PATJ: variants seen among roughly 807,000 people sequenced by gnomAD.
The protein encoded by PATJ is PATJ crumbs cell polarity complex component.
Under a neutral mutation model 224.9 loss-of-function variants are expected in PATJ, and 190 were observed. The observed-to-expected ratio is 0.84, with a 90% confidence interval of 0.75 to 0.95. PATJ has a LOEUF of 0.95. Among genes scored for constraint, PATJ ranks in the 40% least tolerant of loss-of-function variants. PATJ has a pLI of 0.00. For synonymous variants in PATJ, 769 were observed against 820.3 expected, an observed-to-expected ratio of 0.94 and a Z score of 1.07; for missense variants, 2,121 against 2,270.3, an observed-to-expected ratio of 0.93 and a Z score of 1.34.
chr1:62,124,472 A>C (rs1157904500), intron 39 of PATJ, among the ~76,000 whole-genome samples: 1 of 152,238 alleles, frequency 6.6e-6, no homozygotes, highest in Non-Finnish European at 1.5e-5. Context: ...AATCCACTGC[A>C]GTAAAGTGAT....
intron 27 of PATJ, among the ~76,000 whole-genome samples, chr1:61,977,019 A>C (rs764964347): frequency 1.3e-5 from 2 of 152,074 alleles, no homozygotes; most frequent in Non-Finnish European, 2.9e-5. Flanking sequence ...TTGTCTCAAA[A>C]AATATTCTTA....
intron 20 of PATJ, among the ~76,000 whole-genome samples, chr1:61,872,866 G>A (rs756401938): frequency 2.0e-5 from 3 of 152,066 alleles, no homozygotes; most frequent in Non-Finnish European, 4.4e-5. Flanking sequence ...TACTACCTGC[G>A]TGCCAATCAC....
chr1:61,770,865 G>T (rs569306335), intron 5 of PATJ, among the ~76,000 whole-genome samples: 1 of 142,508 alleles, frequency 7.0e-6, no homozygotes, highest in African/African-American at 2.5e-5. Flanking sequence ...AGGTGTGATT[G>T]TGCCATTGTA....
intron 28 of PATJ, among the ~76,000 whole-genome samples, chr1:62,010,012 G>C (rs1025011971): frequency 6.6e-6 from 1 of 151,212 alleles, no homozygotes; most frequent in Admixed American, 6.6e-5. Flanking sequence ...GAACCTGGGA[G>C]GGGGAGGTTA....
intron 29 of PATJ, among the ~76,000 whole-genome samples, chr1:62,024,917 G>C (rs1647556093): frequency 6.6e-6 from 1 of 152,042 alleles, no homozygotes; most frequent in Admixed American, 6.6e-5. Context: ...ACAGTGCCCT[G>C]GCCAGACACT....
chr1:61,934,363 C>A (rs1676517873), intron 27 of PATJ, among the ~76,000 whole-genome samples: 2 of 152,238 alleles, frequency 1.3e-5, no homozygotes, highest in African/African-American at 4.8e-5. Context: ...GGTGATCCGC[C>A]TGCTTTGGCC....
intron 21 of PATJ, among the ~76,000 whole-genome samples, chr1:61,883,838 A>G (rs974051275): frequency 2.2e-5 from 3 of 134,112 alleles, no homozygotes; most frequent in Non-Finnish European, 4.7e-5. Flanking sequence ...GTGATTTAAT[A>G]TGGTTTATTT....
chr1:61,827,652 T>C (rs895240078), intron 16 of PATJ, 69 bp downstream of exon 16: 1 of 1,445,642 alleles, frequency 6.9e-7, no homozygotes, highest in Non-Finnish European at 9.4e-7. Context: ...AAGACTGTGC[T>C]GCAATAAGAA....
intron 12 of PATJ, among the ~76,000 whole-genome samples, chr1:61,803,642 T>C (rs1213265355): frequency 6.6e-6 from 1 of 152,194 alleles, no homozygotes; most frequent in Non-Finnish European, 1.5e-5. Flanking sequence ...TGACATACCA[T>C]TTTTGGTTAT....
At chr1:61,812,429 A>AGTGTGTGTGTGTGT (rs1355150780) in intron 14 of PATJ, among the ~76,000 whole-genome samples, 1 of 111,468 alleles carries the variant, frequency 9.0e-6, no homozygotes, top group African/African-American at 3.5e-5. Flanking sequence ...AGAGAGAGAG[A>AGTGTGTGTGTGTGT]GAGAGTGTGT....
intron 17 of PATJ, among the ~76,000 whole-genome samples, chr1:61,839,863 ATCTC>A (rs1660795600): frequency 6.6e-6 from 1 of 151,948 alleles, no homozygotes; most frequent in South Asian, 2.1e-4. Flanking sequence ...CACTATTTTT[ATCTC>A]TCTCAAAGTC....
chr1:62,106,064 AT>A (rs1165323814), intron 33 of PATJ, among the ~76,000 whole-genome samples: 131 of 10,408 alleles, frequency 0.013, 4 homozygotes, highest in African/African-American at 0.022. Context: ...AAAAAAAAAA[AT>A]ATATATATAT....
At chr1:61,883,116 A>G (rs1668328285) in intron 21 of PATJ, among the ~76,000 whole-genome samples, 1 of 152,180 alleles carries the variant, frequency 6.6e-6, no homozygotes, top group South Asian at 2.1e-4. Flanking sequence ...AGCTTTCTTT[A>G]GTTTATTTGG....
chr1:62,062,901 G>A (rs1423915742), intron 31 of PATJ, among the ~76,000 whole-genome samples: 1 of 152,110 alleles, frequency 6.6e-6, no homozygotes, highest in African/African-American at 2.4e-5. Context: ...ATAGATTCTG[G>A]ATATTAGACC....
chr1:61,938,671 G>A (rs1677266427), intron 27 of PATJ, among the ~76,000 whole-genome samples: 1 of 152,036 alleles, frequency 6.6e-6, no homozygotes, highest in Non-Finnish European at 1.5e-5. Flanking sequence ...ACAACATAGT[G>A]AGACCTCATC....
chr1:61,948,618 A>T (rs1214646518), intron 27 of PATJ, among the ~76,000 whole-genome samples: 1 of 152,200 alleles, frequency 6.6e-6, no homozygotes, highest in Non-Finnish European at 1.5e-5. Context: ...TGTTGGTGGG[A>T]CTGTAAACTA....
chr1:62,088,187 A>G (rs1329243648), intron 33 of PATJ, among the ~76,000 whole-genome samples: 4 of 151,744 alleles, frequency 2.6e-5, no homozygotes, highest in East Asian at 1.9e-4. Flanking sequence ...CACCACGCCC[A>G]GCCAATTCTT....
intron 5 of PATJ, 109 bp from the exon 6 acceptor site, chr1:61,771,322 A>G (rs112826168): frequency 0.013 from 7,018 of 542,120 alleles, 62 homozygotes; most frequent in Non-Finnish European, 0.016. Context: ...TATTTGATAA[A>G]TGTACTAAGT....
chr1:62,003,910 G>T (rs765941988), intron 28 of PATJ, among the ~76,000 whole-genome samples: 5 of 152,102 alleles, frequency 3.3e-5, no homozygotes, highest in Non-Finnish European at 7.4e-5. Flanking sequence ...TCCCCACCCC[G>T]AAAGCTACAC....
Sources: allele counts gnomAD v4.1 joint callset (sites outside exome capture counted in the v4.1 genomes callset), GRCh38; gene constraint gnomAD v4.1.1; transcripts MANE v1.5; gene names NCBI Gene and HGNC (gene_info 2026-07-23, HGNC 2026-07-21).